The following DLG2 variants were observed in gnomAD, a reference collection of about 807,000 sequenced individuals.
DLG2 encodes the protein disks large homolog 2.
In DLG2, 45 loss-of-function variants were observed where a neutral mutation model predicts 132.5. That is an observed-to-expected ratio of 0.34 (90% CI 0.27 to 0.44). The LOEUF is 0.44. DLG2 is among the 20% of genes least tolerant of loss of function. The pLI is 1.00. For synonymous variants in DLG2, 424 were observed against 419.6 expected (o/e 1.01, Z -0.13); for missense variants, 1,045 against 1,196.9 (o/e 0.87, Z 1.87).
Position 84,340,233 on chromosome 11 carries a change from C to A in DLG2, c.520-88942G>T, listed in dbSNP as rs562869866. On this transcript the variant is annotated intron_variant, in intron 7 of 27. Transcript: ENST00000376104. ...AAATTGCTTTTAACACAAAACCCCA[C>A]CAGTTGCCTTAATCTCTGAGTTCTA... Among the ~76,000 whole-genome samples, 3 of 152,322 alleles carry A rather than the reference C, an allele frequency of 2.0e-5. No homozygotes were observed. In the East Asian group the frequency reaches 5.8e-4, roughly 29 times the overall value.
chr11:84,028,202 TCAAA>T (rs1431738750), intron 11 of DLG2, among the ~76,000 whole-genome samples: 1 of 151,784 alleles, frequency 6.6e-6, no homozygotes, highest in Non-Finnish European at 1.5e-5. Context: ...ATGTACAGAG[TCAAA>T]CAAAACTCTG....
intron 6 of DLG2, among the ~76,000 whole-genome samples, chr11:84,974,573 G>T (rs555676890): frequency 1.3e-5 from 2 of 152,334 alleles, no homozygotes; most frequent in African/African-American, 4.8e-5. Flanking sequence ...AAATGGAAGA[G>T]AAAACTTTGC....
At chr11:83,867,048 G>C (rs2062529627) in intron 16 of DLG2, among the ~76,000 whole-genome samples, 1 of 152,120 alleles carries the variant, frequency 6.6e-6, no homozygotes, top group Admixed American at 6.6e-5. Context: ...ATTTTTATTT[G>C]AAAGTAGATT....
intron 18 of DLG2, among the ~76,000 whole-genome samples, chr11:83,766,792 T>C (rs2094165421): frequency 6.6e-6 from 1 of 152,228 alleles, no homozygotes; most frequent in Non-Finnish European, 1.5e-5. Context: ...ACAATTATTA[T>C]CATTTTTTCT....
intron 7 of DLG2, among the ~76,000 whole-genome samples, chr11:84,411,712 C>T (rs979436456): frequency 6.6e-6 from 1 of 152,026 alleles, no homozygotes; most frequent in African/African-American, 2.4e-5. Context: ...TCCAGTAGTC[C>T]TAAACAAAGC....
intron 3 of DLG2, among the ~76,000 whole-genome samples, chr11:85,497,199 G>A (rs1270609677): frequency 6.6e-6 from 1 of 151,960 alleles, no homozygotes; most frequent in Non-Finnish European, 1.5e-5. Context: ...TAGACGAATG[G>A]CTAACTAGAA....
At chr11:85,287,422 C>T (rs1039507005) in intron 3 of DLG2, among the ~76,000 whole-genome samples, 1 of 152,070 alleles carries the variant, frequency 6.6e-6, no homozygotes, top group African/African-American at 2.4e-5. Flanking sequence ...GAAAGATCCT[C>T]GACCTCATTG....
intron 18 of DLG2, among the ~76,000 whole-genome samples, chr11:83,695,613 C>T (rs1022860525): frequency 2.0e-5 from 3 of 152,094 alleles, no homozygotes; most frequent in African/African-American, 7.2e-5. Flanking sequence ...GTGGTGGGTG[C>T]CTGTAATCCC....
At chr11:85,553,923 T>C (rs1341105679) in intron 3 of DLG2, among the ~76,000 whole-genome samples, 1 of 151,336 alleles carries the variant, frequency 6.6e-6, no homozygotes, top group African/African-American at 2.4e-5. Flanking sequence ...ATAGTTTAAG[T>C]TTCCATTTTA....
intron 19 of DLG2, among the ~76,000 whole-genome samples, chr11:83,595,948 T>G (rs2057506320): frequency 6.6e-6 from 1 of 152,166 alleles, no homozygotes; most frequent in Non-Finnish European, 1.5e-5. Flanking sequence ...GCAAATAAAT[T>G]TGCAGATATT....
intron 18 of DLG2, among the ~76,000 whole-genome samples, chr11:83,754,944 G>A (rs2093587191): frequency 6.6e-6 from 1 of 151,120 alleles, no homozygotes; most frequent in Non-Finnish European, 1.5e-5. Flanking sequence ...TTGCCTCCAG[G>A]AAAATATAAT....
chr11:84,162,320 ATATAT>A (rs971451304), intron 9 of DLG2, among the ~76,000 whole-genome samples: 1 of 151,874 alleles, frequency 6.6e-6, no homozygotes, highest in Non-Finnish European at 1.5e-5. Flanking sequence ...ATTTATGTAT[ATATAT>A]TATATTATAT....
chr11:84,108,502 T>C (rs754972270), intron 9 of DLG2, among the ~76,000 whole-genome samples: 12 of 152,096 alleles, frequency 7.9e-5, no homozygotes, highest in Non-Finnish European at 1.8e-4. Flanking sequence ...TGAGGTAGTG[T>C]GGCAGTTAAG....
At chr11:84,560,221 GT>G (rs746882768) in intron 6 of DLG2, among the ~76,000 whole-genome samples, 15 of 152,098 alleles carry the variant, frequency 9.9e-5, no homozygotes, top group Admixed American at 2.0e-4. Flanking sequence ...TTTAGCCAAT[GT>G]TCTCAAATGA....
At chr11:84,071,624 C>T (rs76226068) in intron 10 of DLG2, among the ~76,000 whole-genome samples, 1,601 of 152,272 alleles carry the variant, frequency 0.011, 33 homozygotes, top group African/African-American at 0.036. Flanking sequence ...TGTAACTAGT[C>T]TTCTTGCCTC....
Position 84,589,625 on chromosome 11 carries a change from C to T in DLG2, c.358-54894G>A, listed in dbSNP as rs1004435621. ...ACTTAATGCAAACCTAATCTTTTGT[C>T]TTGAGTCTTATCAATTACACATTCT... On this transcript the variant is annotated intron_variant, in intron 6 of 27. Transcript: ENST00000376104. Among the ~76,000 whole-genome samples, 3 of 152,100 alleles carry T rather than the reference C, an allele frequency of 2.0e-5. No individual in the cohort carries two copies. The South Asian group carries it at 6.2e-4, about 32-fold the overall frequency.
chr11:84,385,142 C>G (rs539091567), intron 7 of DLG2, among the ~76,000 whole-genome samples: 5 of 152,046 alleles, frequency 3.3e-5, no homozygotes, highest in African/African-American at 1.2e-4. Context: ...AACATTTACC[C>G]TTCCACACTT....
chr11:85,011,484 T>G lies in DLG2; in HGVS notation c.357+100177A>C, dbSNP rs535385993. Among the ~76,000 whole-genome samples the G allele has an allele frequency of 1.1e-4, 16 of 152,266 alleles. No homozygotes were observed. In the East Asian group the frequency reaches 2.9e-3, roughly 28 times the overall value. ...TATTTGACTGCTTCTAGAAACCTATTTAACACTTAGTCAAGAGTGCATTGA... is the reference window on the plus strand; with the variant it reads ...TATTTGACTGCTTCTAGAAACCTATGTAACACTTAGTCAAGAGTGCATTGA... On this transcript the variant is annotated intron_variant, in intron 6 of 27. Transcript: ENST00000376104.
At chr11:84,667,284 T>G (rs551297812) in intron 6 of DLG2, among the ~76,000 whole-genome samples, 2 of 152,158 alleles carry the variant, frequency 1.3e-5, no homozygotes, top group East Asian at 3.9e-4. Flanking sequence ...ATGCATGTCT[T>G]GTGAGAGACA....
Sources: allele counts gnomAD v4.1 joint callset (sites outside exome capture counted in the v4.1 genomes callset), GRCh38; gene constraint gnomAD v4.1.1; transcripts MANE v1.5; gene names NCBI Gene and HGNC (gene_info 2026-07-23, HGNC 2026-07-21).